The following SH3TC1 variants were observed in gnomAD, a reference collection of about 807,000 sequenced individuals.
SH3TC1 encodes SH3 domain and tetratricopeptide repeats 1.
In SH3TC1, 135 loss-of-function variants were observed where a neutral mutation model predicts 117.3. That is an observed-to-expected ratio of 1.15 (90% CI 1.00 to 1.33). The LOEUF (loss-of-function observed/expected upper bound fraction) is 1.33, where lower values mean the gene tolerates loss of function less well. Among genes scored for constraint, SH3TC1 ranks in the 40% most tolerant of loss-of-function variants. SH3TC1 has a pLI of 0.00. For missense variants in SH3TC1, 2,092 were observed against 1,794.3 expected (o/e 1.17, Z -3.00); for synonymous variants, 898 against 816.9 (o/e 1.10, Z -1.69).
intron 7 of SH3TC1, 135 bp from the exon 8 acceptor site, chr4:8,218,136 G>GTC: frequency 1.7e-6 from 1 of 585,954 alleles, no homozygotes; most frequent in Non-Finnish European, 3.1e-6. Flanking sequence ...GTGTGTGTGT[G>GTC]CACGTGTGTG....
intron 2 of SH3TC1, among the ~76,000 whole-genome samples, chr4:8,207,125 G>A (rs559833188): frequency 1.9e-4 from 28 of 151,126 alleles, no homozygotes; most frequent in African/African-American, 5.8e-4. Context: ...GTGTTCTGAC[G>A]TGACCGCGAC....
rs902339876 is a variant in SH3TC1, at chr4:8,183,133, G to A, written c.-57+923G>A. 2.0e-5 allele frequency among the ~76,000 whole-genome samples: 3 copies of A among 152,110 alleles called. No homozygotes were observed. Among genetic ancestry groups the A allele is most frequent in the African/African-American group, 7.2e-5 (3 of 41,424 alleles). ...TTTCTCAGCATGCCATCCGCCTGGC[G>A]ACCTTGCCTCCCTCTCCCGCTGGGG... On this transcript the variant is annotated intron_variant, in intron 1 of 16. Transcript: ENST00000508641. This position sits in a 1 kb window ranked among gnomAD's most constrained non-coding sequence, Gnocchi z 5.4.
At chr4:8,194,109 T>C (rs1717491703) in intron 1 of SH3TC1, among the ~76,000 whole-genome samples, 1 of 152,154 alleles carries the variant, frequency 6.6e-6, no homozygotes, top group Admixed American at 6.5e-5. Flanking sequence ...TGGTCAGCAC[T>C]CAGGGTGTGC....
rs746634736 is a variant in SH3TC1, at chr4:8,205,523, C to A, written c.172+157C>A. The A allele has an allele frequency of 4.6e-6, 5 of 1,078,218 alleles. No homozygotes were observed. Among genetic ancestry groups the A allele is most frequent in the East Asian group, 4.7e-5 (2 of 42,496 alleles). 66.8% of individuals were successfully genotyped at this position (1,078,218 alleles called of 1,614,324 possible). A position where few individuals can be genotyped will look rare whatever the true frequency, so the allele number is the denominator to read the frequency against. ...CATCACTTCTCGTTTCCTTCCCCCG[C>A]GTGTGTTTAACAGGAGCCACTGTGC... On this transcript the variant is annotated intron_variant, in intron 2 of 17. Coordinates refer to ENST00000245105, the MANE Select transcript of SH3TC1 (RefSeq NM_018986.5). The surrounding 1 kb of genome is among the most constrained non-coding windows in gnomAD (Gnocchi z 5.4).
intron 13 of SH3TC1, chr4:8,232,819 A>C (rs1051954607): frequency 7.8e-7 from 1 of 1,283,926 alleles, no homozygotes; most frequent in Non-Finnish European, 1.0e-6. Flanking sequence ...TCAGGTTCAC[A>C]GCAGGAAAAT....
intron 1 of SH3TC1, among the ~76,000 whole-genome samples, chr4:8,189,958 G>A (rs906495454): frequency 1.3e-5 from 2 of 152,206 alleles, no homozygotes; most frequent in Non-Finnish European, 2.9e-5. Flanking sequence ...AGAGGGAGCC[G>A]GGAAGGGACT....
At chr4:8,187,386 C>T (rs561926219) in intron 1 of SH3TC1, among the ~76,000 whole-genome samples, 59 of 151,378 alleles carry the variant, frequency 3.9e-4, no homozygotes, top group Non-Finnish European at 8.1e-4. Context: ...CGCCACCATG[C>T]GCATCCCACA....
Position 8,236,407 on chromosome 4 carries a change from C to T in SH3TC1, c.3535C>T (p.Leu1179=), listed in dbSNP as rs1007619525. 3 of 1,511,926 alleles carry T rather than the reference C, an allele frequency of 2.0e-6. No homozygotes were observed. The African/African-American group carries it at 4.2e-5, about 21-fold the overall frequency. 93.7% of individuals were successfully genotyped at this position (1,511,926 alleles called of 1,614,324 possible). A position where few individuals can be genotyped will look rare whatever the true frequency, so the allele number is the denominator to read the frequency against. The part of the protein sequence containing the change: ...QEGLEFAHMA[L]ALSITLGDRL... The stretch of plus-strand genomic sequence containing the variant: ...GGGCTTGGAGTTTGCCCACATGGCC[C>T]TAGCACTCAGCATCACCCTGGGTAA... The change falls in exon 16 of 18, where the codon CTA becomes TTA. Residue 1179 remains leucine, a synonymous_variant. Coordinates refer to ENST00000245105, the MANE Select transcript of SH3TC1 (RefSeq NM_018986.5).
rs1658654666 is a variant in SH3TC1 at position 8,225,356 on chromosome 4, G to T, written c.1285+140G>T. 2.2e-6 allele frequency: 2 copies of T among 899,016 alleles called. No individual in the cohort carries two copies. The allele number at this position is 899,016 out of a possible 1,614,324, so 55.7% of individuals were successfully genotyped here. A position where few individuals can be genotyped will look rare whatever the true frequency, so the allele number is the denominator to read the frequency against. On this transcript the variant is annotated intron_variant, in intron 11 of 17. Coordinates refer to ENST00000245105, the MANE Select transcript of SH3TC1 (RefSeq NM_018986.5). The surrounding 1 kb of genome is among the most constrained non-coding windows in gnomAD (Gnocchi z 5.5). ...TGTGGTGTGGGCTGGGGGCTTGGGG[G>T]AGGTTGCCTGAGGTGGGCCTGAACC...
At chr4:8,200,655 C>T (rs528491020) in intron 1 of SH3TC1, among the ~76,000 whole-genome samples, 22 of 152,352 alleles carry the variant, frequency 1.4e-4, no homozygotes, top group Admixed American at 3.9e-4. Flanking sequence ...ACGGGTGCGC[C>T]GGTTTCCCCT....
rs1187773784 is a variant in SH3TC1 at position 8,232,007 on chromosome 4, C to CT, written c.2984dup (p.Tyr996LeufsTer16). 6.2e-7 allele frequency: 1 copy of CT among 1,612,718 alleles called. No homozygotes were observed. On this transcript the variant is annotated frameshift_variant, in exon 13 of 18. Coordinates refer to ENST00000245105, the MANE Select transcript of SH3TC1 (RefSeq NM_018986.5). LOFTEE classifies it high-confidence loss of function. ...TGCGGGCCGTCCAGCGGCTGTGCCACTTCTACAGCGCCGTCATGCCCAGCG... is the reference window on the plus strand; with the variant it reads ...TGCGGGCCGTCCAGCGGCTGTGCCACTTTCTACAGCGCCGTCATGCCCAGCG...
At chr4:8,230,081 G>A (rs1012497456) in intron 12 of SH3TC1, among the ~76,000 whole-genome samples, 3 of 152,008 alleles carry the variant, frequency 2.0e-5, no homozygotes, top group African/African-American at 2.4e-5. Flanking sequence ...CGAGAAGACC[G>A]AGGGTGGGGC....
At chr4:8,195,219 C>T (rs1241534109), upstream of SH3TC1, among the ~76,000 whole-genome samples, 1 of 152,226 alleles carries the variant, frequency 6.6e-6, no homozygotes, top group Non-Finnish European at 1.5e-5. Context: ...TTTATTACAA[C>T]CACATCAGGG....
Position 8,219,293 on chromosome 4 carries a change from A to G in SH3TC1, c.917-42A>G, listed in dbSNP as rs755101260. Reference sequence around the variant, plus strand: ...GCCCTGTCTGCCCGCTCTGGCCCCCATTTGGTCTCCCTGGCACTCACCATG... The same window carrying G: ...GCCCTGTCTGCCCGCTCTGGCCCCCGTTTGGTCTCCCTGGCACTCACCATG... On this transcript the variant is annotated intron_variant, in intron 8 of 17. Coordinates refer to ENST00000245105, the MANE Select transcript of SH3TC1 (RefSeq NM_018986.5). 6.7e-6 allele frequency: 10 copies of G among 1,503,372 alleles called. No homozygotes were observed. The South Asian group carries it at 1.1e-4, about 16-fold the overall frequency. 93.1% of individuals were successfully genotyped at this position (1,503,372 alleles called of 1,614,324 possible).
rs770803128 is a variant in SH3TC1 at position 8,237,657 on chromosome 4, T to G, written c.3740T>G (p.Phe1247Cys). The G allele has an allele frequency of 5.6e-6, 9 of 1,605,336 alleles. No individual in the cohort carries two copies. The highest frequency in any genetic ancestry group is 2.7e-5 in the African/African-American group (2 of 74,736). ...KVYLVLGDII[F>C]YDLKDPFDAA... ...TACCTGGTGCTCGGTGACATCATCT[T>G]CTACGACCTGAAGGTGGGTGGGGAG... The change falls in exon 17 of 18, where the codon TTC (phenylalanine) becomes TGC (cysteine). Residue 1247 changes from phenylalanine (F) to cysteine (C), a missense_variant. By Grantham distance (205) the Phe-to-Cys change is radical. Transcript: ENST00000245105.
At chr4:8,215,081 G>A (rs896854135) in intron 5 of SH3TC1, 26 of 448,372 alleles carry the variant, frequency 5.8e-5, no homozygotes, top group Admixed American at 3.3e-4. Flanking sequence ...AGGCGGAGTC[G>A]TAGACGGATG....
intron 12 of SH3TC1, 141 bp from the exon 13 acceptor site, chr4:8,231,835 G>C: frequency 1.1e-6 from 1 of 902,974 alleles, no homozygotes; most frequent in Non-Finnish European, 1.7e-6. Context: ...CCATGTCACG[G>C]TGTGCTCAGC....
chr4:8,227,609 T>G lies in SH3TC1; in HGVS notation c.1915T>G (p.Cys639Gly). The G allele has an allele frequency of 6.6e-7, 1 of 1,525,166 alleles. No homozygotes were observed. Among genetic ancestry groups the G allele is most frequent in the Non-Finnish European group, 8.8e-7 (1 of 1,139,630 alleles). The allele number at this position is 1,525,166 out of a possible 1,614,324, so 94.5% of individuals were successfully genotyped here. ...ALLLGTPDHI[C>G]STEAEGELLQ... Reference sequence around the variant, plus strand: ...GCTCCTGGGGACGCCTGACCACATCTGCAGCACCGAGGCGGAGGGGGAGCT... The same window carrying G: ...GCTCCTGGGGACGCCTGACCACATCGGCAGCACCGAGGCGGAGGGGGAGCT... Residue 639 changes from cysteine (C) to glycine (G), a missense_variant, in exon 12 of 18, where the codon TGC becomes GGC. Coordinates refer to ENST00000245105, the MANE Select transcript of SH3TC1 (RefSeq NM_018986.5).
intron 1 of SH3TC1, among the ~76,000 whole-genome samples, chr4:8,203,768 C>T (rs1035275000): frequency 6.6e-6 from 1 of 152,062 alleles, no homozygotes; most frequent in Non-Finnish European, 1.5e-5. Context: ...TGCCTCTCTG[C>T]CCTTCCCAGG....
Sources: gnomAD v4.1 joint callset for allele counts (sites outside exome capture counted in the v4.1 genomes callset) on GRCh38, gnomAD v4.1.1 for gene constraint, Gnocchi (gnomAD v3.1) non-coding constraint, MANE v1.5 for transcripts, NCBI Gene and HGNC (gene_info 2026-07-23, HGNC 2026-07-21) for gene names.